PRKCE: variants seen among roughly 807,000 people sequenced by gnomAD.
PRKCE encodes the protein protein kinase C epsilon.
A neutral mutation model predicts 85.4 loss-of-function variants in PRKCE; 16 were observed. The observed-to-expected ratio is 0.19, with a 90% CI of 0.13 to 0.28. The LOEUF (loss-of-function observed/expected upper bound fraction) is 0.28, where lower values mean the gene tolerates loss of function less well. PRKCE is among the 10% of genes least tolerant of loss of function. The probability of loss-of-function intolerance (pLI) is 1.00; values close to 1 mark genes in which losing one functional copy is unlikely to be tolerated. For synonymous variants in PRKCE, 388 were observed against 371.5 expected, an observed-to-expected ratio of 1.04 and a Z score of -0.51; for missense variants, 573 against 975.2, an observed-to-expected ratio of 0.59 and a Z score of 5.49.
In PRKCE at chr2:46,084,555, C is replaced by G. The variant is rs1327792578; in HGVS notation, c.1438-1653C>G. On this transcript the variant is annotated intron_variant, in intron 10 of 14. Transcript: ENST00000306156. The stretch of plus-strand genomic sequence containing the variant: ...TGGCCAACATGGTGAAACGCCATCT[C>G]TACTAAAAATAAAAAAATTAACTGG... 2.0e-5 allele frequency among the ~76,000 whole-genome samples: 3 copies of G among 151,974 alleles called. No individual in the cohort carries two copies. The East Asian group carries it at 5.8e-4, about 29-fold the overall frequency.
At chr2:46,008,045 G>C (rs770756799) in intron 9 of PRKCE, among the ~76,000 whole-genome samples, 2 of 152,154 alleles carry the variant, frequency 1.3e-5, no homozygotes, top group Non-Finnish European at 2.9e-5. Context: ...TTTTTAATTT[G>C]TTATGAAGAC....
At chr2:45,991,889 C>A (rs907115844) in intron 6 of PRKCE, among the ~76,000 whole-genome samples, 1 of 152,070 alleles carries the variant, frequency 6.6e-6, no homozygotes, top group Non-Finnish European at 1.5e-5. Flanking sequence ...ATTCTAGTTC[C>A]CTGTTATCTA....
At chr2:45,982,150 C>A (rs140011563) in intron 5 of PRKCE, among the ~76,000 whole-genome samples, 18 of 152,228 alleles carry the variant, frequency 1.2e-4, no homozygotes, top group Non-Finnish European at 2.5e-4. Flanking sequence ...TGGCTCTCCC[C>A]GCCACCACCT....
chr2:45,778,789 G>A (rs1685957423), intron 1 of PRKCE, among the ~76,000 whole-genome samples: 1 of 152,182 alleles, frequency 6.6e-6, no homozygotes. Flanking sequence ...CTGCCACCTA[G>A]TGGGAGCTCA....
chr2:46,104,616 T>C (rs554016950), intron 11 of PRKCE, among the ~76,000 whole-genome samples: 79 of 152,212 alleles, frequency 5.2e-4, no homozygotes, highest in African/African-American at 1.9e-3. Context: ...ATTAGAGATA[T>C]TGTGTTTGGG....
intron 2 of PRKCE, among the ~76,000 whole-genome samples, chr2:45,893,144 C>T (rs1332949253): frequency 6.6e-6 from 1 of 152,134 alleles, no homozygotes; most frequent in African/African-American, 2.4e-5. Context: ...TAGGAAGGGT[C>T]AGAGCACATG....
intron 11 of PRKCE, among the ~76,000 whole-genome samples, chr2:46,099,447 A>G (rs982975523): frequency 6.6e-6 from 1 of 151,186 alleles, no homozygotes; most frequent in Non-Finnish European, 1.5e-5. Flanking sequence ...TGTTTCCACC[A>G]CCCTGTACCT....
chr2:45,935,065 T>TCA lies in PRKCE; in HGVS notation c.413-41363_413-41362insAC, dbSNP rs758047038. Among the ~76,000 whole-genome samples, 35 of 107,196 alleles carry TCA rather than the reference T, an allele frequency of 3.3e-4. 1 individual carries two copies. The highest frequency in any genetic ancestry group is 9.1e-4 in the African/African-American group (26 of 28,504). The allele number at this position is 107,196 out of a possible 152,430, so 70.3% of individuals were successfully genotyped here. On this transcript the variant is annotated intron_variant, in intron 2 of 14. Transcript: ENST00000306156. The stretch of plus-strand genomic sequence containing the variant: ...AGCAAAGCGAGACACTCACTCTCTC[T>TCA]CTCACACACACACACACACACACAC...
At chr2:46,010,867 T>A in intron 10 of PRKCE, 1 of 1,511,068 alleles carries the variant, frequency 6.6e-7, no homozygotes, top group Non-Finnish European at 8.8e-7. Context: ...TCACTTAACT[T>A]CTAAGTTATT....
intron 1 of PRKCE, among the ~76,000 whole-genome samples, chr2:45,783,960 A>C (rs1686394512): frequency 6.6e-6 from 1 of 152,190 alleles, no homozygotes; most frequent in Non-Finnish European, 1.5e-5. Context: ...ATGACTTCGA[A>C]CTTTGTTAGG....
chr2:46,154,636 C>T (rs1677020492), intron 13 of PRKCE, among the ~76,000 whole-genome samples: 1 of 152,072 alleles, frequency 6.6e-6, no homozygotes, highest in Non-Finnish European at 1.5e-5. Context: ...TGGCATTGGG[C>T]GGCTGCTTCT....
intron 2 of PRKCE, among the ~76,000 whole-genome samples, chr2:45,947,048 C>T (rs955029119): frequency 2.0e-5 from 3 of 152,236 alleles, no homozygotes; most frequent in African/African-American, 7.2e-5. Flanking sequence ...CTCTCTCAAC[C>T]TCTCTCCATC....
intron 2 of PRKCE, among the ~76,000 whole-genome samples, chr2:45,897,624 C>T (rs1696251190): frequency 6.6e-6 from 1 of 152,014 alleles, no homozygotes; most frequent in African/African-American, 2.4e-5. Flanking sequence ...GAGATGGCAC[C>T]CCATTTTTTA....
intron 11 of PRKCE, among the ~76,000 whole-genome samples, chr2:46,094,272 C>G (rs1007319423): frequency 6.6e-6 from 1 of 152,254 alleles, no homozygotes; most frequent in East Asian, 1.9e-4. Context: ...GTATTCCTTG[C>G]CTTCCTCTTT....
intron 1 of PRKCE, among the ~76,000 whole-genome samples, chr2:45,687,367 T>C (rs889823149): frequency 3.9e-5 from 6 of 152,120 alleles, no homozygotes; most frequent in Non-Finnish European, 8.8e-5. Flanking sequence ...CAGAAAGATA[T>C]CCAACTTACA....
chr2:45,734,593 A>T lies in PRKCE; in HGVS notation c.348+82145A>T, dbSNP rs116560185. On this transcript the variant is annotated intron_variant, in intron 1 of 14. Coordinates refer to ENST00000306156, the MANE Select transcript of PRKCE (RefSeq NM_005400.3). ...CAAACACAAAAGGAGATGAGGTTAC[A>T]CAGGTCCGTGTGTTCTCCGCCTTCC... is the stretch of plus-strand genomic sequence containing the variant. 3.4e-3 allele frequency among the ~76,000 whole-genome samples: 523 copies of T among 152,326 alleles called. 5 individuals are homozygous for T. The highest frequency in any genetic ancestry group is 0.012 in the African/African-American group (502 of 41,586).
intron 10 of PRKCE, among the ~76,000 whole-genome samples, chr2:46,042,292 C>G (rs1174218319): frequency 6.6e-6 from 1 of 152,220 alleles, no homozygotes; most frequent in Non-Finnish European, 1.5e-5. Context: ...CTCTTTCCCC[C>G]AGCGTCCTAG....
intron 2 of PRKCE, among the ~76,000 whole-genome samples, chr2:45,929,860 C>T (rs1238653600): frequency 6.6e-6 from 1 of 152,128 alleles, no homozygotes; most frequent in African/African-American, 2.4e-5. Flanking sequence ...ATGTTTAGTG[C>T]CTGCATTTCC....
At chr2:46,120,382 T>C in intron 11 of PRKCE, among the ~76,000 whole-genome samples, 1 of 152,110 alleles carries the variant, frequency 6.6e-6, no homozygotes, top group East Asian at 1.9e-4. Flanking sequence ...AGGATACTGG[T>C]AAACATTCTG....
Sources: gnomAD v4.1 joint callset for allele counts (sites outside exome capture counted in the v4.1 genomes callset) on GRCh38, gnomAD v4.1.1 for gene constraint, MANE v1.5 for transcripts, NCBI Gene and HGNC (gene_info 2026-07-23, HGNC 2026-07-21) for gene names.